The following ZNF521 variants were observed in gnomAD, a reference collection of about 807,000 sequenced individuals.
ZNF521 encodes the protein LYST-interacting protein 3.
A neutral mutation model predicts 105.5 loss-of-function variants in ZNF521; 14 were observed. The observed-to-expected ratio is 0.13, with a 90% CI of 0.09 to 0.21. The LOEUF is 0.21. Ranked by LOEUF, ZNF521 falls within the 10% of genes least tolerant of loss-of-function variation. ZNF521 has a pLI of 1.00. For missense variants in ZNF521, 1,233 were observed against 1,629.7 expected (o/e 0.76, Z 4.19); for synonymous variants, 635 against 606.0 (o/e 1.05, Z -0.70).
intron 5 of ZNF521, among the ~76,000 whole-genome samples, chr18:25,106,399 A>T (rs2144278501): frequency 6.6e-6 from 1 of 152,268 alleles, no homozygotes; most frequent in East Asian, 1.9e-4. Flanking sequence ...GGCCCCCAGA[A>T]ATGTAAATAA....
intron 3 of ZNF521, among the ~76,000 whole-genome samples, chr18:25,294,833 G>T (rs1478802691): frequency 9.0e-6 from 1 of 110,754 alleles, no homozygotes; most frequent in Non-Finnish European, 1.7e-5. Context: ...CCAGCCTGGC[G>T]ACAGAGCAAG....
chr18:25,089,413 C>G (rs1359077321), intron 7 of ZNF521, 52 bp downstream of exon 7: 2 of 1,375,994 alleles, frequency 1.5e-6, no homozygotes, highest in East Asian at 2.3e-5. Context: ...CCCCTGTTTA[C>G]TATAAGAATA....
intron 5 of ZNF521, among the ~76,000 whole-genome samples, chr18:25,141,987 T>A (rs954314793): frequency 6.6e-6 from 1 of 152,102 alleles, no homozygotes; most frequent in African/African-American, 2.4e-5. Context: ...AACATAAAAA[T>A]TTGCTGCCAA....
intron 3 of ZNF521, among the ~76,000 whole-genome samples, chr18:25,285,252 T>C (rs1910634675): frequency 6.6e-6 from 1 of 152,174 alleles, no homozygotes; most frequent in Non-Finnish European, 1.5e-5. Flanking sequence ...CGCAACAATA[T>C]AACTCTACAT....
At chr18:25,274,618 G>C (rs1307646638) in intron 3 of ZNF521, among the ~76,000 whole-genome samples, 1 of 152,162 alleles carries the variant, frequency 6.6e-6, no homozygotes, top group East Asian at 1.9e-4. Context: ...GAAGGAAAAT[G>C]TAACAAAGTT....
chr18:25,189,847 G>A (rs2035787810), intron 5 of ZNF521, among the ~76,000 whole-genome samples: 1 of 152,170 alleles, frequency 6.6e-6, no homozygotes, highest in Non-Finnish European at 1.5e-5. Context: ...TTGTTATTCT[G>A]CCTGGTTCAC....
At chr18:25,099,015 G>T (rs892885958) in intron 5 of ZNF521, among the ~76,000 whole-genome samples, 8 of 152,268 alleles carry the variant, frequency 5.3e-5, no homozygotes, top group African/African-American at 1.9e-4. Flanking sequence ...GTGTGTGGCA[G>T]CTCTGACCAT....
At chr18:25,183,694 G>A (rs756739507) in intron 5 of ZNF521, among the ~76,000 whole-genome samples, 1 of 152,180 alleles carries the variant, frequency 6.6e-6, no homozygotes, top group Non-Finnish European at 1.5e-5. Flanking sequence ...ATGAAAGCAT[G>A]ATATACAGGG....
At chr18:25,295,853 T>TA (rs964987857) in intron 3 of ZNF521, among the ~76,000 whole-genome samples, 8 of 152,314 alleles carry the variant, frequency 5.3e-5, no homozygotes, top group Admixed American at 5.2e-4. Context: ...TACATATCCT[T>TA]AAACTTAGTG....
chr18:25,201,174 T>TAG (rs937811373), intron 4 of ZNF521: 4 of 152,082 alleles, frequency 2.6e-5, no homozygotes, highest in African/African-American at 9.7e-5. Context: ...GCTGCAGGGA[T>TAG]AGAGAGACAT....
intron 3 of ZNF521, among the ~76,000 whole-genome samples, chr18:25,308,063 G>T (rs544289086): frequency 1.3e-5 from 2 of 151,936 alleles, no homozygotes; most frequent in South Asian, 4.2e-4. Flanking sequence ...TTAGCTGGGC[G>T]TGATGGTGCA....
chr18:25,228,062 T>G (rs1906296183), intron 3 of ZNF521, among the ~76,000 whole-genome samples: 1 of 152,198 alleles, frequency 6.6e-6, no homozygotes, highest in South Asian at 2.1e-4. Context: ...CTAAAATGAT[T>G]TGCATATTAT....
chr18:25,082,281 A>G (rs2033512951), intron 7 of ZNF521, among the ~76,000 whole-genome samples: 1 of 152,192 alleles, frequency 6.6e-6, no homozygotes, highest in Non-Finnish European at 1.5e-5. Context: ...TTCAGCCCCA[A>G]GAACAAGAGA....
intron 5 of ZNF521, among the ~76,000 whole-genome samples, chr18:25,151,343 C>A (rs1287348081): frequency 2.0e-5 from 3 of 152,156 alleles, no homozygotes; most frequent in African/African-American, 4.8e-5. Flanking sequence ...CCTTCTTTGA[C>A]CCTCTTAGGC....
Position 25,227,312 on chromosome 18 carries a change from A to C in ZNF521, c.606T>G (p.Tyr202Ter). The C allele has an allele frequency of 6.2e-7, 1 of 1,614,204 alleles. No homozygotes were observed. Among genetic ancestry groups the C allele is most frequent in the Non-Finnish European group, 8.5e-7 (1 of 1,180,024 alleles). The change falls in exon 4 of 8, where the codon TAT (tyrosine) becomes TAG (stop). Residue 202 changes from tyrosine to a stop codon, truncating the protein, a stop_gained. Coordinates refer to ENST00000361524, the MANE Select transcript of ZNF521 (RefSeq NM_015461.3). LOFTEE classifies it high-confidence loss of function. This position sits in a 1 kb window ranked among gnomAD's most constrained non-coding sequence, Gnocchi z 5.7. ...HLKTHTSNKPYKCAICRRGFL... is the reference protein window; with the variant it reads ...HLKTHTSNKP Reference sequence around the variant, plus strand: ...ACCCACGGCGACAAATGGCACATTTATATGGCTTGTTGGACGTGTGAGTCT... The same window carrying C: ...ACCCACGGCGACAAATGGCACATTTCTATGGCTTGTTGGACGTGTGAGTCT...
Position 25,224,939 on chromosome 18 carries a change from G to A in ZNF521, c.2979C>T (p.Cys993=), listed in dbSNP as rs200451202. ...CCTCTTCACTCTGGAGAGGCATCTT[G>A]CAAATCCGGCAGTTTCCAGTATCAA... ...KSLDTGNCRI[C]KMPLQSEEEF... The change falls in exon 4 of 8, where the codon TGC becomes TGT. Residue 993 remains cysteine, a synonymous_variant. Coordinates refer to ENST00000361524, the MANE Select transcript of ZNF521 (RefSeq NM_015461.3). 2.4e-5 allele frequency: 38 copies of A among 1,613,848 alleles called. No individual in the cohort carries two copies. The highest frequency in any genetic ancestry group is 1.6e-4 in the Middle Eastern group (1 of 6,084).
At chr18:25,272,386 G>C (rs1401579085) in intron 3 of ZNF521, among the ~76,000 whole-genome samples, 2 of 151,962 alleles carry the variant, frequency 1.3e-5, no homozygotes, top group Non-Finnish European at 2.9e-5. Flanking sequence ...TAGAAATACC[G>C]ATTGACCCAG....
At chr18:25,125,898 G>T (rs2034531021) in intron 5 of ZNF521, among the ~76,000 whole-genome samples, 2 of 151,976 alleles carry the variant, frequency 1.3e-5, no homozygotes, top group Non-Finnish European at 2.9e-5. Context: ...ATGAAGTTAG[G>T]AAATTGTATA....
chr18:25,339,043 G>C (rs564499436), intron 2 of ZNF521, among the ~76,000 whole-genome samples: 1 of 152,290 alleles, frequency 6.6e-6, no homozygotes, highest in East Asian at 1.9e-4. Flanking sequence ...TACTTAGAAT[G>C]GGAAAACCAG....
Sources: allele counts gnomAD v4.1 joint callset (sites outside exome capture counted in the v4.1 genomes callset), GRCh38; gene constraint gnomAD v4.1.1; non-coding constraint Gnocchi (gnomAD v3.1); transcripts MANE v1.5; gene names NCBI Gene and HGNC (gene_info 2026-07-23, HGNC 2026-07-21).